The following SIRPB1 variants were observed in gnomAD, a reference collection of about 807,000 sequenced individuals.
The protein encoded by SIRPB1 is signal regulatory protein beta 1, also known as signal-regulatory protein beta-1.
In SIRPB1, 28 loss-of-function variants were observed where a neutral mutation model predicts 34.1. The ratio of observed to expected loss-of-function variants is 0.82; its 90% CI spans 0.61 to 1.12. The LOEUF is 1.12. Among genes scored for constraint, SIRPB1 ranks in the 50% most tolerant of loss-of-function variants. The pLI, the probability that SIRPB1 is intolerant of heterozygous loss-of-function variation, is 0.00. For synonymous variants in SIRPB1, 211 were observed against 203.8 expected (o/e 1.04, Z -0.30); for missense variants, 499 against 507.0 (o/e 0.98, Z 0.15).
chr20:1,597,631 G>A lies in SIRPB1; in HGVS notation c.77-18937C>T. 2 of 146,206 alleles carry A rather than the reference G, an allele frequency of 1.4e-5. 1 individual carries two copies. 9.1% of individuals were successfully genotyped at this position (146,206 alleles called of 1,614,324 possible). On this transcript the variant is annotated intron_variant, in intron 1 of 5. Coordinates refer to ENST00000381605, the MANE Select transcript of SIRPB1 (RefSeq NM_006065.5). ...CCACCTGACCCCACCTCCAACATAG[G>A]GGATGAAATTTCACATTGAGATTTG...
rs1399781920 is a variant in SIRPB1, at chr20:1,562,930, G to A, written c.*2570C>T. The stretch of plus-strand genomic sequence containing the variant: ...CAAATTGAATGTGAGTGGAATTCTA[G>A]AAGTACAAATAGTTGACTGTGGCAA... On this transcript the variant is annotated 3_prime_UTR_variant, in exon 6 of 6. Coordinates refer to ENST00000381605, the MANE Select transcript of SIRPB1 (RefSeq NM_006065.5). Among the ~76,000 whole-genome samples the A allele has an allele frequency of 1.3e-5, 2 of 152,214 alleles. No homozygotes were observed. Among genetic ancestry groups the A allele is most frequent in the African/African-American group, 4.8e-5 (2 of 41,456 alleles).
At chr20:1,567,463 T>C (rs1352379856) in intron 4 of SIRPB1, among the ~76,000 whole-genome samples, 1 of 152,220 alleles carries the variant, frequency 6.6e-6, no homozygotes, top group Non-Finnish European at 1.5e-5. Context: ...TGAGGCATGT[T>C]GACCCTGACA....
In SIRPB1 at chr20:1,610,940, C is replaced by G. The variant is rs2091556613; in HGVS notation, c.76+8929G>C. 2.7e-5 allele frequency among the ~76,000 whole-genome samples: 2 copies of G among 72,768 alleles called. 1 individual carries two copies. Among genetic ancestry groups the G allele is most frequent in the Non-Finnish European group, 5.2e-5 (2 of 38,700 alleles). 47.7% of individuals were successfully genotyped at this position (72,768 alleles called of 152,430 possible). On this transcript the variant is annotated intron_variant, in intron 1 of 5. Transcript: ENST00000381605. ...AGCATCTAGGGCAGAGCCTGGCACA[C>G]AGTGGGGTCTCAGTGAGTGCCTGCT...
In SIRPB1 at chr20:1,562,348, C is replaced by G. The variant is rs530651332; in HGVS notation, c.*3152G>C. 5.3e-5 allele frequency among the ~76,000 whole-genome samples: 8 copies of G among 152,202 alleles called. No homozygotes were observed. The South Asian group carries it at 1.7e-3, about 32-fold the overall frequency. On this transcript the variant is annotated 3_prime_UTR_variant, in exon 6 of 6. Coordinates refer to ENST00000381605, the MANE Select transcript of SIRPB1 (RefSeq NM_006065.5). The stretch of plus-strand genomic sequence containing the variant: ...CCAACACCTAGTAGAAACCAATGAC[C>G]TCAATGATGTATTCACTCATTTAAA...
Position 1,571,153 on chromosome 20 carries a change from G to A in SIRPB1, c.752-16C>T. The A allele has an allele frequency of 6.2e-7, 1 of 1,605,022 alleles. No homozygotes were observed. Among genetic ancestry groups the A allele is most frequent in the Non-Finnish European group, 8.5e-7 (1 of 1,174,154 alleles). On this transcript the variant is annotated splice_polypyrimidine_tract_variant and intron_variant, in intron 3 of 5. Coordinates refer to ENST00000381605, the MANE Select transcript of SIRPB1 (RefSeq NM_006065.5). ...GTGGGTGGAACTGAAACAGCACAGGGCAGAAGCTCTGATCTTGTGGCACAG... is the reference window on the plus strand; with the variant it reads ...GTGGGTGGAACTGAAACAGCACAGGACAGAAGCTCTGATCTTGTGGCACAG...
chr20:1,580,417 G>T (rs2091386161), intron 1 of SIRPB1, among the ~76,000 whole-genome samples: 1 of 140,682 alleles, frequency 7.1e-6, no homozygotes, highest in Non-Finnish European at 1.6e-5. Context: ...ATGCTGAGAG[G>T]TAAAGGAAAT....
chr20:1,565,721 C>T (rs1022076132), intron 5 of SIRPB1, among the ~76,000 whole-genome samples: 1 of 150,690 alleles, frequency 6.6e-6, no homozygotes, highest in Non-Finnish European at 1.5e-5. Context: ...TCCACTCAAG[C>T]ACACAGAAGG....
chr20:1,572,872 C>T (rs965403772), intron 2 of SIRPB1, among the ~76,000 whole-genome samples: 4 of 151,770 alleles, frequency 2.6e-5, no homozygotes. Flanking sequence ...TGGATAACAA[C>T]TGAAGCCAGG....
Position 1,582,781 on chromosome 20 carries a change from G to A in SIRPB1, c.77-4087C>T, listed in dbSNP as rs890072998. Among the ~76,000 whole-genome samples the A allele has an allele frequency of 8.2e-5, 4 of 48,936 alleles. 2 individuals carry two copies. Among genetic ancestry groups the A allele is most frequent in the East Asian group, 1.1e-3 (2 of 1,742 alleles). 32.1% of individuals were successfully genotyped at this position (48,936 alleles called of 152,430 possible). On this transcript the variant is annotated intron_variant, in intron 1 of 5. Coordinates refer to ENST00000381605, the MANE Select transcript of SIRPB1 (RefSeq NM_006065.5). Reference sequence around the variant, plus strand: ...AAACTTCTATAAAATAATAAAAGTCGTAAACACACACTTGATTTTCACTTA... The same window carrying A: ...AAACTTCTATAAAATAATAAAAGTCATAAACACACACTTGATTTTCACTTA...
In SIRPB1 at chr20:1,587,815, C is replaced by T. The variant is rs1426361479; in HGVS notation, c.77-9121G>A. ...CAGGGTGGAGACTGTCTTCTACAAG[C>T]CAAGGATAAAGACCTCAGTAGAAAT... On this transcript the variant is annotated intron_variant, in intron 1 of 5. Transcript: ENST00000381605. Among the ~76,000 whole-genome samples, 2 of 48,558 alleles carry T rather than the reference C, an allele frequency of 4.1e-5. 1 individual carries two copies. Among genetic ancestry groups the T allele is most frequent in the East Asian group, 1.2e-3 (2 of 1,722 alleles). The allele number at this position is 48,558 out of a possible 152,430, so 31.9% of individuals were successfully genotyped here.
chr20:1,615,995 A>G lies in SIRPB1; in HGVS notation c.76+3874T>C, dbSNP rs538236443. On this transcript the variant is annotated intron_variant, in intron 1 of 5. Coordinates refer to ENST00000381605, the MANE Select transcript of SIRPB1 (RefSeq NM_006065.5). ...CAATTACTACCAAAAAAGCTAAAAT[A>G]GCTAGAAACAGATTTACTCAAGGAC... Among the ~76,000 whole-genome samples the G allele has an allele frequency of 4.6e-5, 7 of 152,330 alleles. 1 individual carries two copies. In the East Asian group the frequency reaches 1.2e-3, roughly 25 times the overall value.
chr20:1,571,566 A>G (rs2091237273), intron 3 of SIRPB1, among the ~76,000 whole-genome samples, 154 bp downstream of exon 3: 1 of 152,208 alleles, frequency 6.6e-6, no homozygotes, highest in Non-Finnish European at 1.5e-5. Context: ...CTGCCATTAA[A>G]ATGATAGTAA....
chr20:1,616,341 T>C (rs1319729672), intron 1 of SIRPB1, among the ~76,000 whole-genome samples: 1 of 152,172 alleles, frequency 6.6e-6, no homozygotes, highest in East Asian at 1.9e-4. Context: ...CAAAACAGCA[T>C]GGCACTGGCA....
At chr20:1,574,717 C>T (rs1041309540) in intron 2 of SIRPB1, among the ~76,000 whole-genome samples, 1 of 128,922 alleles carries the variant, frequency 7.8e-6, no homozygotes, top group Admixed American at 7.7e-5. Context: ...TGTTGATGCC[C>T]TAAGCATTTT....
chr20:1,611,860 C>T lies in SIRPB1; in HGVS notation c.76+8009G>A, dbSNP rs1243835409. 1.2e-5 allele frequency: 4 copies of T among 345,992 alleles called. 2 individuals carry two copies. Among genetic ancestry groups the T allele is most frequent in the African/African-American group, 1.3e-4 (2 of 15,406 alleles). The allele number at this position is 345,992 out of a possible 1,614,324, so 21.4% of individuals were successfully genotyped here. On this transcript the variant is annotated intron_variant, in intron 1 of 5. Transcript: ENST00000381605. ...CACTACACGTATTATCTCATTTAAC[C>T]CTCACAACTGGCCTGTGACATAAGA...
chr20:1,576,928 A>G (rs545706407), intron 2 of SIRPB1, among the ~76,000 whole-genome samples: 2 of 148,682 alleles, frequency 1.3e-5, no homozygotes, highest in East Asian at 3.9e-4. Context: ...CATCCACTGC[A>G]TGATTGTTGT....
At chr20:1,613,925 G>GACCC (rs1252398529) in intron 1 of SIRPB1, among the ~76,000 whole-genome samples, 2 of 152,142 alleles carry the variant, frequency 1.3e-5, no homozygotes, top group Non-Finnish European at 2.9e-5. Context: ...TAAACTCAGA[G>GACCC]ACCCACACTA....
chr20:1,617,675 A>C (rs147503747), intron 1 of SIRPB1, among the ~76,000 whole-genome samples: 48 of 152,194 alleles, frequency 3.2e-4, no homozygotes, highest in African/African-American at 1.1e-3. Flanking sequence ...TTGAAAGCAG[A>C]TTTTGAGAGA....
At position 1,578,387 on chromosome 20, in the gene SIRPB1, A is replaced by T. The variant is rs142333512; in HGVS notation, c.384T>A (p.Pro128=). The change falls in exon 2 of 6, where the codon CCT becomes CCA. Residue 128 remains proline, a synonymous_variant. Transcript: ENST00000381605. ...YYCVKFRKGS[P]DDVEFKSGAG... ...CTCCAGACTTAAACTCCACGTCGTC[A>T]GGGCTCCCTTTCCGGAACTTCACAC... The T allele has an allele frequency of 3.2e-6, 5 of 1,587,042 alleles. No individual in the cohort carries two copies. In the Admixed American group the frequency reaches 5.1e-5, roughly 16 times the overall value.
Sources: allele counts gnomAD v4.1 joint callset (sites outside exome capture counted in the v4.1 genomes callset), GRCh38; gene constraint gnomAD v4.1.1; transcripts MANE v1.5; gene names NCBI Gene and HGNC (gene_info 2026-07-23, HGNC 2026-07-21).